The following MFHAS1 variants were observed in gnomAD, a reference collection of about 807,000 sequenced individuals.
MFHAS1 encodes the protein malignant fibrous histiocytoma-amplified sequence 1.
In MFHAS1, 50 loss-of-function variants were observed where a neutral mutation model predicts 70.4. That is an observed-to-expected ratio of 0.71 (90% CI 0.57 to 0.90). The LOEUF (loss-of-function observed/expected upper bound fraction) is 0.90, where lower values mean the gene tolerates loss of function less well. Among genes scored for constraint, MFHAS1 ranks in the 40% least tolerant of loss-of-function variants. MFHAS1 has a pLI of 0.00. For synonymous variants in MFHAS1, 952 were observed against 620.0 expected, an observed-to-expected ratio of 1.54 and a Z score of -7.96; for missense variants, 1,795 against 1,347.6, an observed-to-expected ratio of 1.33 and a Z score of -5.20.
chr8:8,793,910 G>A (rs928986386), intron 2 of MFHAS1, among the ~76,000 whole-genome samples: 2 of 152,132 alleles, frequency 1.3e-5, no homozygotes, highest in South Asian at 2.1e-4. Flanking sequence ...GACCTTGGCT[G>A]GGCACGGTGG....
chr8:8,863,036 A>C (rs1163237850), intron 1 of MFHAS1, among the ~76,000 whole-genome samples: 2 of 152,216 alleles, frequency 1.3e-5, no homozygotes, highest in Non-Finnish European at 2.9e-5. Flanking sequence ...TAGTACAAGG[A>C]ATGACTCAAG....
chr8:8,821,256 T>C (rs955489137), intron 1 of MFHAS1, among the ~76,000 whole-genome samples: 1 of 152,210 alleles, frequency 6.6e-6, no homozygotes, highest in Non-Finnish European at 1.5e-5. Flanking sequence ...CTAAGGCCCC[T>C]GTGGCAGGAG....
At chr8:8,881,874 G>C (rs1340824904) in intron 1 of MFHAS1, among the ~76,000 whole-genome samples, 1 of 151,852 alleles carries the variant, frequency 6.6e-6, no homozygotes, top group African/African-American at 2.4e-5. Flanking sequence ...TGGGAGGTTG[G>C]AGTATTCACT....
At chr8:8,854,775 GCTTAC>G (rs1808372598) in intron 1 of MFHAS1, among the ~76,000 whole-genome samples, 3 of 152,130 alleles carry the variant, frequency 2.0e-5, no homozygotes, top group African/African-American at 7.2e-5. Flanking sequence ...ATTATTCGTT[GCTTAC>G]GTGAAATTCA....
At chr8:8,888,680 A>T (rs1029535313) in intron 1 of MFHAS1, among the ~76,000 whole-genome samples, 22 of 152,248 alleles carry the variant, frequency 1.4e-4, no homozygotes, top group Admixed American at 5.2e-4. Context: ...GACAGTAAAA[A>T]GATCTGTGGT....
At chr8:8,846,442 T>C (rs1344942066) in intron 1 of MFHAS1, among the ~76,000 whole-genome samples, 2 of 152,014 alleles carry the variant, frequency 1.3e-5, no homozygotes, top group Non-Finnish European at 2.9e-5. Context: ...CAGTGTTCCT[T>C]GCCCAAACTA....
chr8:8,886,432 C>G (rs538164409), intron 1 of MFHAS1, among the ~76,000 whole-genome samples: 5 of 151,960 alleles, frequency 3.3e-5, no homozygotes, highest in Non-Finnish European at 5.9e-5. Flanking sequence ...CCTCCCAAAG[C>G]AAAGGGATTA....
chr8:8,826,834 G>A (rs1473310186), intron 1 of MFHAS1, among the ~76,000 whole-genome samples: 2 of 152,156 alleles, frequency 1.3e-5, no homozygotes, highest in Non-Finnish European at 2.9e-5. Context: ...ATGCAGATGT[G>A]AGGTCCGGTA....
chr8:8,849,064 C>CTTT lies in MFHAS1; in HGVS notation c.2998+40994_2998+40996dup, dbSNP rs145250762. ...TCTGCAGCAATTAATTCCTTTTTAC[C>CTTT]TTTTTTTTTTTTTTTTTTTTTTTTT... On this transcript the variant is annotated intron_variant, in intron 1 of 2. Transcript: ENST00000276282. Among the ~76,000 whole-genome samples, 656 of 75,792 alleles carry CTTT rather than the reference C, an allele frequency of 8.7e-3. 53 individuals are homozygous for CTTT. The highest frequency in any genetic ancestry group is 0.011 in the Non-Finnish European group (464 of 41,538). The allele number at this position is 75,792 out of a possible 152,430, so 49.7% of individuals were successfully genotyped here.
rs1364824251 is a variant in MFHAS1 at position 8,847,682 on chromosome 8, T to C, written c.2998+42379A>G. The stretch of plus-strand genomic sequence containing the variant: ...ATCTCATGACAGACGTATAAAACAA[T>C]TTTGCAGTAAATTCCCTGCACACTC... On this transcript the variant is annotated intron_variant, in intron 1 of 2. Transcript: ENST00000276282. Among the ~76,000 whole-genome samples, 4 of 152,314 alleles carry C rather than the reference T, an allele frequency of 2.6e-5. No homozygotes were observed. The East Asian group carries it at 7.7e-4, about 29-fold the overall frequency.
intron 1 of MFHAS1, among the ~76,000 whole-genome samples, chr8:8,835,235 T>C (rs1044143897): frequency 6.6e-6 from 1 of 152,180 alleles, no homozygotes; most frequent in African/African-American, 2.4e-5. Flanking sequence ...TCAAAACCCA[T>C]AGAATCTATC....
chr8:8,827,769 T>C (rs78448127), intron 1 of MFHAS1, among the ~76,000 whole-genome samples: 1,946 of 152,352 alleles, frequency 0.013, 42 homozygotes, highest in East Asian at 0.09. Flanking sequence ...TTACAGCTTC[T>C]GTGTTTTGTG....
At chr8:8,852,927 T>C (rs1329634588) in intron 1 of MFHAS1, among the ~76,000 whole-genome samples, 1 of 152,188 alleles carries the variant, frequency 6.6e-6, no homozygotes, top group Non-Finnish European at 1.5e-5. Flanking sequence ...CAGAAGTGAT[T>C]GCATTTCCAT....
chr8:8,824,562 C>T (rs989492750), intron 1 of MFHAS1, among the ~76,000 whole-genome samples: 1 of 122,548 alleles, frequency 8.2e-6, no homozygotes, highest in South Asian at 2.9e-4. Context: ...CACACACACA[C>T]ACACACCCCT....
In MFHAS1 at chr8:8,783,932, T is replaced by G. The variant is rs2117233666; in HGVS notation, c.*2090A>C. ...TGACCCTCGATCATGGTAACCCTTT[T>G]GCTAAGACACATGTGACACCAAGGT... On this transcript the variant is annotated 3_prime_UTR_variant, in exon 3 of 3. Transcript: ENST00000276282. 1 of 152,322 alleles carries G rather than the reference T, an allele frequency of 6.6e-6. No individual in the cohort carries two copies. Among genetic ancestry groups the G allele is most frequent in the South Asian group, 2.1e-4 (1 of 4,834 alleles). 9.4% of individuals were successfully genotyped at this position (152,322 alleles called of 1,614,324 possible).
chr8:8,811,474 C>T (rs987814434), intron 1 of MFHAS1, among the ~76,000 whole-genome samples: 11 of 152,102 alleles, frequency 7.2e-5, no homozygotes, highest in South Asian at 2.1e-4. Flanking sequence ...GATGAGGTCT[C>T]GCCATGTTGC....
At chr8:8,810,237 G>A (rs1442923935) in intron 1 of MFHAS1, among the ~76,000 whole-genome samples, 3 of 152,192 alleles carry the variant, frequency 2.0e-5, no homozygotes, top group African/African-American at 7.2e-5. Flanking sequence ...ATGGTGGTGG[G>A]CACCTGTAAT....
chr8:8,815,456 T>C (rs1348429498), intron 1 of MFHAS1, among the ~76,000 whole-genome samples: 1 of 152,182 alleles, frequency 6.6e-6, no homozygotes, highest in East Asian at 1.9e-4. Flanking sequence ...TCTTCCACAA[T>C]GGTTGAACTA....
At chr8:8,877,145 T>C (rs1191795443) in intron 1 of MFHAS1, among the ~76,000 whole-genome samples, 1 of 151,090 alleles carries the variant, frequency 6.6e-6, no homozygotes, top group East Asian at 2.0e-4. Flanking sequence ...ATAAAAAATA[T>C]AAAAACTAAC....
Sources: allele counts gnomAD v4.1 joint callset (sites outside exome capture counted in the v4.1 genomes callset), GRCh38; gene constraint gnomAD v4.1.1; transcripts MANE v1.5; gene names NCBI Gene and HGNC (gene_info 2026-07-23, HGNC 2026-07-21).